DIAPH3: variants seen among roughly 807,000 people sequenced by gnomAD.
DIAPH3 encodes diaphanous related formin 3.
In DIAPH3, 117 loss-of-function variants were observed where a neutral mutation model predicts 144.3. The ratio of observed to expected loss-of-function variants is 0.81; its 90% confidence interval spans 0.70 to 0.95. The LOEUF (loss-of-function observed/expected upper bound fraction) is 0.95. Among genes scored for constraint, DIAPH3 ranks in the 40% least tolerant of loss-of-function variants. The pLI, the probability that DIAPH3 is intolerant of heterozygous loss-of-function variation, is 0.00. For synonymous variants in DIAPH3, 519 were observed against 488.9 expected, an observed-to-expected ratio of 1.06 and a Z score of -0.81; for missense variants, 1,421 against 1,412.7, an observed-to-expected ratio of 1.01 and a Z score of -0.09.
At chr13:59,675,408 G>A (rs1322998047) in intron 27 of DIAPH3, among the ~76,000 whole-genome samples, 5 of 148,050 alleles carry the variant, frequency 3.4e-5, no homozygotes, top group African/African-American at 1.0e-4. Context: ...TTTTTGAGAC[G>A]GAGTCTCGCT....
chr13:60,126,322 A>G (rs910618642), intron 2 of DIAPH3, among the ~76,000 whole-genome samples: 1 of 152,234 alleles, frequency 6.6e-6, no homozygotes, highest in South Asian at 2.1e-4. Context: ...GCATATGATT[A>G]TATCAAGTAG....
At chr13:59,970,510 A>G (rs1354159622) in intron 16 of DIAPH3, among the ~76,000 whole-genome samples, 1 of 152,154 alleles carries the variant, frequency 6.6e-6, no homozygotes, top group Non-Finnish European at 1.5e-5. Flanking sequence ...AAATTTCCTA[A>G]GAACACCATC....
At chr13:59,690,503 A>G (rs2033453372) in intron 27 of DIAPH3, among the ~76,000 whole-genome samples, 1 of 152,176 alleles carries the variant, frequency 6.6e-6, no homozygotes, top group Non-Finnish European at 1.5e-5. Context: ...ATGTAATGAA[A>G]ACATTGCACA....
intron 27 of DIAPH3, among the ~76,000 whole-genome samples, chr13:59,683,930 C>G (rs529646137): frequency 6.6e-6 from 1 of 152,194 alleles, no homozygotes; most frequent in East Asian, 1.9e-4. Context: ...GGTAATGCTA[C>G]CACTTATATA....
rs542306719 is a variant in DIAPH3, at chr13:59,967,109, C to T, written c.2074+2835G>A. On this transcript the variant is annotated intron_variant, in intron 17 of 27. Coordinates refer to ENST00000400324, the MANE Select transcript of DIAPH3 (RefSeq NM_001042517.2). ...TGAGACATAGTCTTACTCTGTTGCC[C>T]AGACTGGAGTGCAGTGGCGTGATCC... is the stretch of plus-strand genomic sequence containing the variant. 5.3e-5 allele frequency among the ~76,000 whole-genome samples: 8 copies of T among 152,180 alleles called. No homozygotes were observed. The South Asian group carries it at 1.0e-3, about 20-fold the overall frequency.
intron 13 of DIAPH3, among the ~76,000 whole-genome samples, chr13:59,983,232 G>A (rs2051146422): frequency 2.0e-5 from 3 of 149,642 alleles, no homozygotes. Flanking sequence ...AGGCTTCGGG[G>A]GGGACAGGCA....
intron 2 of DIAPH3, among the ~76,000 whole-genome samples, chr13:60,126,063 T>C (rs1401827795): frequency 1.3e-5 from 2 of 152,152 alleles, no homozygotes; most frequent in African/African-American, 4.8e-5. Context: ...TATTTCTCAA[T>C]TGGAGGAAAA....
chr13:60,127,089 AC>A (rs1181406567), intron 2 of DIAPH3, among the ~76,000 whole-genome samples: 1 of 152,118 alleles, frequency 6.6e-6, no homozygotes. Flanking sequence ...AAACTGGCAA[AC>A]CTCTAGCCAG....
chr13:59,952,235 G>T (rs1177763553), intron 17 of DIAPH3, among the ~76,000 whole-genome samples: 2 of 152,108 alleles, frequency 1.3e-5, no homozygotes, highest in Admixed American at 6.6e-5. Context: ...TGATTGCCAG[G>T]GGCTAGGGGA....
chr13:59,981,504 T>A lies in DIAPH3; in HGVS notation c.1481-645A>T, dbSNP rs1160840352. On this transcript the variant is annotated intron_variant, in intron 13 of 27. Transcript: ENST00000400324. ...GAAAACTCATTAAAATATTTTTTGA[T>A]GTTAGACAAAAAAAAAAAAAACTGA... Among the ~76,000 whole-genome samples the A allele has an allele frequency of 2.0e-5, 3 of 147,986 alleles. No individual in the cohort carries two copies. In the East Asian group the frequency reaches 5.9e-4, roughly 29 times the overall value.
intron 14 of DIAPH3, among the ~76,000 whole-genome samples, chr13:59,977,491 T>C (rs1845631470): frequency 1.3e-5 from 2 of 151,856 alleles, no homozygotes; most frequent in South Asian, 2.1e-4. Flanking sequence ...TTATTAGGTA[T>C]GTATAATAAG....
At chr13:59,722,729 C>G (rs79559583) in intron 27 of DIAPH3, among the ~76,000 whole-genome samples, 2 of 152,092 alleles carry the variant, frequency 1.3e-5, no homozygotes, top group Non-Finnish European at 2.9e-5. Context: ...ATGGGGACTT[C>G]CTGTTAGGGA....
intron 4 of DIAPH3, among the ~76,000 whole-genome samples, chr13:60,066,311 T>G (rs541353240): frequency 3.3e-5 from 5 of 152,306 alleles, no homozygotes; most frequent in African/African-American, 1.2e-4. Flanking sequence ...TAATTTCTGA[T>G]GAAACAATTA....
chr13:59,696,838 T>G (rs1467445094), intron 27 of DIAPH3, among the ~76,000 whole-genome samples: 4 of 152,138 alleles, frequency 2.6e-5, no homozygotes, highest in African/African-American at 4.8e-5. Context: ...ATTTTATTAA[T>G]TGACATGTAT....
At chr13:59,805,367 G>T (rs1450307114) in intron 25 of DIAPH3, among the ~76,000 whole-genome samples, 2 of 152,000 alleles carry the variant, frequency 1.3e-5, no homozygotes, top group African/African-American at 4.8e-5. Context: ...TTAAGAAAAA[G>T]TTGTGCATAA....
At chr13:59,699,554 C>T (rs2033991839) in intron 27 of DIAPH3, among the ~76,000 whole-genome samples, 1 of 152,132 alleles carries the variant, frequency 6.6e-6, no homozygotes, top group Admixed American at 6.5e-5. Flanking sequence ...CACTTTGGGG[C>T]ACAGAATGAT....
intron 27 of DIAPH3, among the ~76,000 whole-genome samples, chr13:59,669,986 A>C (rs974668865): frequency 1.3e-5 from 2 of 152,216 alleles, no homozygotes; most frequent in African/African-American, 4.8e-5. Context: ...TCCTTGATCT[A>C]TACCAGATCC....
chr13:59,915,301 T>C (rs1277780101), intron 19 of DIAPH3, among the ~76,000 whole-genome samples: 2 of 152,038 alleles, frequency 1.3e-5, no homozygotes, highest in African/African-American at 4.8e-5. Context: ...ACTAGTGAAA[T>C]TATATGACCA....
chr13:59,862,828 C>T (rs1322437073), intron 21 of DIAPH3, among the ~76,000 whole-genome samples: 1 of 151,958 alleles, frequency 6.6e-6, no homozygotes, highest in African/African-American at 2.4e-5. Context: ...ATACTGTATG[C>T]ATATCTGTGT....
Sources: allele counts gnomAD v4.1 joint callset (sites outside exome capture counted in the v4.1 genomes callset), GRCh38; gene constraint gnomAD v4.1.1; transcripts MANE v1.5; gene names NCBI Gene and HGNC (gene_info 2026-07-23, HGNC 2026-07-21).